Variants in CC2D2A observed in about 807,000 individuals in gnomAD.
CC2D2A encodes coiled-coil and C2 domain-containing protein 2A.
Under a neutral mutation model 212.9 loss-of-function variants are expected in CC2D2A, and 155 were observed. That is an observed-to-expected ratio of 0.73 (90% confidence interval 0.64 to 0.83). The LOEUF is 0.83. CC2D2A is among the 40% of genes least tolerant of loss of function. The pLI, the probability that CC2D2A is intolerant of heterozygous loss-of-function variation, is 0.00. For synonymous variants in CC2D2A, 667 were observed against 686.5 expected (o/e 0.97, Z 0.44); for missense variants, 1,856 against 1,956.2 (o/e 0.95, Z 0.97).
At chr4:15,528,527 C>T (rs1717631744) in intron 12 of CC2D2A, 93 bp from the exon 13 acceptor site, 1 of 892,126 alleles carries the variant, frequency 1.1e-6, no homozygotes, top group Admixed American at 1.9e-5. Context: ...AGACTGATGG[C>T]ACCATTTTGC....
chr4:15,513,864 T>C (rs1716712048), intron 8 of CC2D2A, among the ~76,000 whole-genome samples: 1 of 152,236 alleles, frequency 6.6e-6, no homozygotes, highest in South Asian at 2.1e-4. Flanking sequence ...TTCCTTCTTA[T>C]TCTTTTGTGT....
chr4:15,479,416 T>C (rs1346826554), intron 3 of CC2D2A: 3 of 1,064,204 alleles, frequency 2.8e-6, no homozygotes, highest in Non-Finnish European at 4.2e-6. Flanking sequence ...ACAATCAAGA[T>C]GCCAGCAGGG....
intron 29 of CC2D2A, among the ~76,000 whole-genome samples, chr4:15,574,940 G>A (rs1011031816): frequency 1.3e-5 from 2 of 152,224 alleles, no homozygotes; most frequent in Non-Finnish European, 2.9e-5. Flanking sequence ...TTACTGGAAC[G>A]CTACGCATGT....
intron 4 of CC2D2A, among the ~76,000 whole-genome samples, chr4:15,497,926 C>T (rs1253815958): frequency 2.0e-5 from 3 of 152,154 alleles, no homozygotes; most frequent in African/African-American, 7.2e-5. Context: ...TTCTGGACCA[C>T]ATCAATTTGT....
At chr4:15,563,847 C>T (rs1420628371) in intron 24 of CC2D2A, 2 of 242,462 alleles carry the variant, frequency 8.2e-6, no homozygotes, top group Non-Finnish European at 1.6e-5. Flanking sequence ...CTTCATTTTT[C>T]TCCATGTGAT....
At chr4:15,529,798 G>A (rs1229354941) in intron 13 of CC2D2A, among the ~76,000 whole-genome samples, 1 of 148,078 alleles carries the variant, frequency 6.8e-6, no homozygotes, top group African/African-American at 2.5e-5. Context: ...CCTTAGAACA[G>A]GAAATAATAA....
At chr4:15,472,664 G>A (rs1713914114) in intron 1 of CC2D2A, among the ~76,000 whole-genome samples, 1 of 120,948 alleles carries the variant, frequency 8.3e-6, no homozygotes, top group Non-Finnish European at 1.7e-5. Flanking sequence ...TTTTTTTTCA[G>A]TTTGCAATGA....
chr4:15,504,231 T>C (rs2109000068), intron 6 of CC2D2A, among the ~76,000 whole-genome samples: 1 of 152,344 alleles, frequency 6.6e-6, no homozygotes, highest in African/African-American at 2.4e-5. Context: ...GTTTATGTTT[T>C]GTGGTCGTCA....
At chr4:15,532,854 G>A (rs1433551189) in intron 13 of CC2D2A, among the ~76,000 whole-genome samples, 2 of 152,216 alleles carry the variant, frequency 1.3e-5, no homozygotes, top group East Asian at 3.8e-4. Context: ...AACTAGGACA[G>A]CAGCATACTT....
chr4:15,577,242 G>A (rs539570693), intron 29 of CC2D2A, among the ~76,000 whole-genome samples: 42 of 152,090 alleles, frequency 2.8e-4, no homozygotes, highest in Admixed American at 1.4e-3. Flanking sequence ...GTGATCCTCC[G>A]GCGTCAGCCT....
At chr4:15,596,464 T>C (rs534896754) in intron 34 of CC2D2A, among the ~76,000 whole-genome samples, 2 of 152,282 alleles carry the variant, frequency 1.3e-5, no homozygotes, top group Middle Eastern at 6.8e-3. Context: ...ACAAAATGTA[T>C]TCCATCTAAA....
At chr4:15,474,227 C>T (rs906058613) in intron 1 of CC2D2A, among the ~76,000 whole-genome samples, 3 of 152,150 alleles carry the variant, frequency 2.0e-5, no homozygotes, top group Admixed American at 6.5e-5. Flanking sequence ...AGAACTTGTT[C>T]CAGGAGCCAA....
chr4:15,471,917 T>A (rs755762182), intron 1 of CC2D2A, among the ~76,000 whole-genome samples: 15 of 152,218 alleles, frequency 9.9e-5, no homozygotes, highest in Non-Finnish European at 2.2e-4. Context: ...GATGAAGGTG[T>A]CAGTACTTTC....
intron 17 of CC2D2A, among the ~76,000 whole-genome samples, chr4:15,544,310 G>A (rs960189076): frequency 2.0e-5 from 3 of 152,136 alleles, no homozygotes; most frequent in Admixed American, 1.3e-4. Context: ...CTTTCTGCAG[G>A]CATCAATAGT....
At chr4:15,595,236 T>C (rs1721268805) in intron 33 of CC2D2A, among the ~76,000 whole-genome samples, 1 of 152,234 alleles carries the variant, frequency 6.6e-6, no homozygotes, top group Non-Finnish European at 1.5e-5. Context: ...TTAAATATAC[T>C]GAATGGACAA....
chr4:15,523,932 A>G (rs1345532712), intron 11 of CC2D2A, among the ~76,000 whole-genome samples: 1 of 152,230 alleles, frequency 6.6e-6, no homozygotes. Context: ...GTGGATCATT[A>G]TCCACTAACC....
rs529497661 is a variant in CC2D2A, at chr4:15,540,848, C to T, written c.2015C>T (p.Ser672Leu). The change falls in exon 17 of 37, where the codon TCG becomes TTG. Residue 672 changes from serine to leucine, a missense_variant. Physicochemically the swap from Ser to Leu is moderately radical, Grantham distance 145 (BLOSUM62 -2). Coordinates refer to ENST00000424120, the MANE Select transcript of CC2D2A (RefSeq NM_001378615.1). ...GTCTCCTTTTGCAGAGCGGAGGTCT[C>T]GAGAAGGGAGGATGTAAAGAAGCGC... ...PNDQCPRAEVSRREDVKKRSV... is the reference protein window; with the variant it reads ...PNDQCPRAEVLRREDVKKRSV... 1.7e-5 allele frequency: 27 copies of T among 1,598,538 alleles called. No homozygotes were observed. The highest frequency in any genetic ancestry group is 2.2e-5 in the Non-Finnish European group (26 of 1,172,338).
chr4:15,528,549 G>A, intron 12 of CC2D2A, 71 bp from the exon 13 acceptor site: 1 of 1,256,420 alleles, frequency 8.0e-7, no homozygotes, highest in Non-Finnish European at 1.2e-6. Flanking sequence ...CAGGAGAAGT[G>A]GGTGGGTCCA....
intron 19 of CC2D2A, among the ~76,000 whole-genome samples, chr4:15,553,902 G>A (rs1280230898): frequency 6.6e-6 from 1 of 152,158 alleles, no homozygotes; most frequent in East Asian, 1.9e-4. Flanking sequence ...TGTGTCTACA[G>A]TCAATCATTT....
Sources: gnomAD v4.1 joint callset for allele counts (sites outside exome capture counted in the v4.1 genomes callset) on GRCh38, gnomAD v4.1.1 for gene constraint, MANE v1.5 for transcripts, NCBI Gene and HGNC (gene_info 2026-07-23, HGNC 2026-07-21) for gene names.